The following OXTR variants were observed in gnomAD, a reference collection of about 807,000 sequenced individuals.
OXTR encodes the protein oxytocin receptor.
OXTR carries 19 observed loss-of-function variants against 23.9 expected under a neutral mutation model. That is an observed-to-expected ratio of 0.80 (90% confidence interval 0.56 to 1.17). OXTR has a LOEUF of 1.17. Among genes scored for constraint, OXTR ranks in the 50% most tolerant of loss-of-function variants. The probability of loss-of-function intolerance (pLI) is 0.00; values close to 1 mark genes in which losing one functional copy is unlikely to be tolerated. For missense variants in OXTR, 500 were observed against 550.7 expected, an observed-to-expected ratio of 0.91 and a Z score of 0.92; for synonymous variants, 278 against 250.5, an observed-to-expected ratio of 1.11 and a Z score of -1.04.
At chr3:8,757,749 G>C (rs563160244) in intron 3 of OXTR, among the ~76,000 whole-genome samples, 3 of 152,300 alleles carry the variant, frequency 2.0e-5, no homozygotes, top group Non-Finnish European at 4.4e-5. Context: ...ATGCAGAGGA[G>C]AGGCTGTCCA....
At chr3:8,755,947 AG>A (rs1708363874) in intron 3 of OXTR, among the ~76,000 whole-genome samples, 1 of 152,184 alleles carries the variant, frequency 6.6e-6, no homozygotes, top group Admixed American at 6.5e-5. Context: ...AGAAGGGAAA[AG>A]GGGAGTTTCA....
chr3:8,748,549 C>T (rs1469589373), downstream of OXTR, among the ~76,000 whole-genome samples: 1 of 152,158 alleles, frequency 6.6e-6, no homozygotes, highest in Admixed American at 6.5e-5. Flanking sequence ...AGTCACCGTT[C>T]TTGGGAGGAA....
downstream of OXTR, among the ~76,000 whole-genome samples, chr3:8,747,327 C>T (rs550078970): frequency 8.5e-5 from 13 of 152,278 alleles, no homozygotes; most frequent in African/African-American, 2.6e-4. Context: ...AAATTTTACC[C>T]AATTTTGGTT....
downstream of OXTR, among the ~76,000 whole-genome samples, chr3:8,748,298 C>T (rs186739639): frequency 2.6e-5 from 4 of 152,318 alleles, no homozygotes; most frequent in East Asian, 7.7e-4. Flanking sequence ...AGTCTAGAAT[C>T]CTATCATCCC....
At position 8,751,058 on chromosome 3, in the gene OXTR, T is replaced by C. The variant is rs200443897; in HGVS notation, c.*1919A>G. ...ACCGACACTCGTTCTTGTCCATCTT[T>C]TTATTGTAGCCATCCTAGTGATTGT... is the stretch of plus-strand genomic sequence containing the variant. On this transcript the variant is annotated 3_prime_UTR_variant, in exon 4 of 4. Coordinates refer to ENST00000316793, the MANE Select transcript of OXTR (RefSeq NM_000916.4). 2 of 152,236 alleles carry C rather than the reference T, an allele frequency of 1.3e-5. No homozygotes were observed. The highest frequency in any genetic ancestry group is 2.9e-5 in the Non-Finnish European group (2 of 68,046). The allele number at this position is 152,236 out of a possible 1,614,324, so 9.4% of individuals were successfully genotyped here. A position where few individuals can be genotyped will look rare whatever the true frequency, so the allele number is the denominator to read the frequency against.
chr3:8,767,458 G>A lies in OXTR; in HGVS notation c.730C>T (p.Pro244Ser), dbSNP rs201563390. The A allele has an allele frequency of 5.6e-6, 9 of 1,601,564 alleles. No individual in the cohort carries two copies. The highest frequency in any genetic ancestry group is 1.7e-5 in the Admixed American group (1 of 58,200). The change falls in exon 3 of 4, where the codon CCA (proline) becomes TCA (serine). Residue 244 changes from proline to serine, a missense_variant. Transcript: ENST00000316793. Reference protein sequence around the residue: ...KTAAAAAAEAPEGAAAGDGGR... With the variant: ...KTAAAAAAEASEGAAAGDGGR... ...CCATCGCCAGCCGCCGCGCCCTCTG[G>A]CGCCTCGGCCGCCGCCGCTGCAGCG...
At chr3:8,765,783 A>G (rs1708593693) in intron 3 of OXTR, among the ~76,000 whole-genome samples, 1 of 152,182 alleles carries the variant, frequency 6.6e-6, no homozygotes, top group South Asian at 2.1e-4. Flanking sequence ...ACCTGGTGCA[A>G]GTGCCTTCCC....
Position 8,766,243 on chromosome 3 carries a change from T to TG in OXTR, c.922+1022dup, listed in dbSNP as rs752124403. Among the ~76,000 whole-genome samples the TG allele has an allele frequency of 9.2e-5, 14 of 152,110 alleles. No homozygotes were observed. The East Asian group carries it at 1.3e-3, about 15-fold the overall frequency. On this transcript the variant is annotated intron_variant, in intron 3 of 3. Transcript: ENST00000316793. ...TCCAAATGAGCTACTGGAAAGGGGT[T>TG]GGGGGGCAGGGAGTGACAGGAAGCT...
chr3:8,742,370 AAAAAG>A, the OXTR span: 9 of 352,314 alleles, frequency 2.6e-5, no homozygotes, highest in Admixed American at 4.0e-5. Flanking sequence ...CAAAAAAAAA[AAAAAG>A]AAGAAGAAGA....
rs755233324 is a variant in OXTR at position 8,754,010 on chromosome 3, C to T, written c.923-786G>A. ...GCAGAAGGAATGGCCCCAGCAAAGG[C>T]GTGGCAGCGAGAAACTGTATGACAT... On this transcript the variant is annotated intron_variant, in intron 3 of 3. Transcript: ENST00000316793. Among the ~76,000 whole-genome samples, 20 of 152,296 alleles carry T rather than the reference C, an allele frequency of 1.3e-4. No homozygotes were observed. In the South Asian group the frequency reaches 1.7e-3, roughly 13 times the overall value.
chr3:8,745,930 ACTT>A, downstream of OXTR: 1 of 1,363,832 alleles, frequency 7.3e-7, no homozygotes, highest in South Asian at 1.3e-5. The surrounding 1 kb of genome is among the most constrained non-coding windows in gnomAD (Gnocchi z 4.8). Flanking sequence ...TCCCCGGGGG[ACTT>A]CTTCACAGGG....
intron 3 of OXTR, among the ~76,000 whole-genome samples, chr3:8,753,894 T>A (rs984397958): frequency 6.6e-6 from 1 of 151,994 alleles, no homozygotes; most frequent in Non-Finnish European, 1.5e-5. Flanking sequence ...ACTCTGAGAG[T>A]CATGGCTGGC....
chr3:8,752,857 A>AG lies in OXTR; in HGVS notation c.*119dup. ...CCACCCCACTGAAGCCACCCCAAGG[A>AG]GGGGAGGGATACAAACTGATAGGTA... On this transcript the variant is annotated 3_prime_UTR_variant, in exon 4 of 4. Coordinates refer to ENST00000316793, the MANE Select transcript of OXTR (RefSeq NM_000916.4). 9.2e-7 allele frequency: 1 copy of AG among 1,090,278 alleles called. No individual in the cohort carries two copies. Among genetic ancestry groups the AG allele is most frequent in the Non-Finnish European group, 1.3e-6 (1 of 783,226 alleles). The allele number at this position is 1,090,278 out of a possible 1,614,324, so 67.5% of individuals were successfully genotyped here.
the OXTR span, among the ~76,000 whole-genome samples, chr3:8,744,445 ATTTT>A: frequency 0.044 from 4,887 of 111,330 alleles, 75 homozygotes; most frequent in African/African-American, 0.053. Context: ...TACCCGGCTA[ATTTT>A]TTTTTTTTTT....
At chr3:8,741,765 G>A in the OXTR span, among the ~76,000 whole-genome samples, 8 of 152,036 alleles carry the variant, frequency 5.3e-5, no homozygotes, top group East Asian at 1.9e-4. Context: ...TTTCGACCCC[G>A]GGTGACTGTT....
chr3:8,765,819 G>A (rs1394856112), intron 3 of OXTR, among the ~76,000 whole-genome samples: 1 of 152,222 alleles, frequency 6.6e-6, no homozygotes, highest in East Asian at 1.9e-4. Context: ...AACCCTCTCT[G>A]TAAGTTGTTA....
chr3:8,753,106 G>A lies in OXTR; in HGVS notation c.1041C>T (p.Cys347=), dbSNP rs753682341. ...GTCTGCCCTTCAGGTAGCTGGCGGA[G>A]CAGCACAGGAAGCGCTGCACGAGTT... ...FHELVQRFLC[C]SASYLKGRRL... Residue 347 remains cysteine (C), a synonymous_variant, in exon 4 of 4, where the codon TGC becomes TGT. Transcript: ENST00000316793. 3.1e-6 allele frequency: 5 copies of A among 1,614,170 alleles called. No individual in the cohort carries two copies. The highest frequency in any genetic ancestry group is 1.7e-5 in the Admixed American group (1 of 60,030).
At chr3:8,745,883 C>G, downstream of OXTR, 1 of 1,602,060 alleles carries the variant, frequency 6.2e-7, no homozygotes, top group Non-Finnish European at 8.5e-7. This position sits in a 1 kb window ranked among gnomAD's most constrained non-coding sequence, Gnocchi z 4.8. Flanking sequence ...GGTGGGGCAA[C>G]AGCGGTGGCA....
the OXTR span, among the ~76,000 whole-genome samples, chr3:8,742,308 G>A: frequency 1.6e-4 from 24 of 147,262 alleles, no homozygotes; most frequent in Non-Finnish European, 3.4e-4. Flanking sequence ...AGCACCCAAA[G>A]GCAATCCCTG....
Sources: gnomAD v4.1 joint callset for allele counts (sites outside exome capture counted in the v4.1 genomes callset) on GRCh38, gnomAD v4.1.1 for gene constraint, Gnocchi (gnomAD v3.1) non-coding constraint, MANE v1.5 for transcripts, NCBI Gene and HGNC (gene_info 2026-07-23, HGNC 2026-07-21) for gene names.